Variants in GPC5 observed in about 807,000 individuals in gnomAD.
The protein encoded by GPC5 is glypican-5.
Under a neutral mutation model 53.9 loss-of-function variants are expected in GPC5, and 47 were observed. The ratio of observed to expected loss-of-function variants is 0.87; its 90% CI spans 0.69 to 1.11. The LOEUF (loss-of-function observed/expected upper bound fraction) is 1.11, where lower values mean the gene tolerates loss of function less well. Ranked by LOEUF, GPC5 falls within the 50% of genes most tolerant of loss-of-function variation. The pLI is 0.00. For missense variants in GPC5, 748 were observed against 713.1 expected (o/e 1.05, Z -0.56); for synonymous variants, 286 against 263.3 (o/e 1.09, Z -0.84).
intron 6 of GPC5, among the ~76,000 whole-genome samples, chr13:92,105,938 G>T (rs73626555): frequency 0.029 from 4,388 of 151,902 alleles, 207 homozygotes; most frequent in African/African-American, 0.1. Flanking sequence ...TGCCTACCTT[G>T]GTCTTCATAT....
intron 5 of GPC5, among the ~76,000 whole-genome samples, chr13:91,844,479 C>T (rs539992255): frequency 3.3e-4 from 50 of 152,168 alleles, no homozygotes; most frequent in African/African-American, 1.2e-3. Context: ...GAATTGCACC[C>T]GAGTCTTCTC....
At chr13:91,988,948 A>G (rs1376931307) in intron 6 of GPC5, among the ~76,000 whole-genome samples, 2 of 151,964 alleles carry the variant, frequency 1.3e-5, no homozygotes, top group Admixed American at 6.6e-5. Context: ...GGCAAGTATT[A>G]TTATTTTAAT....
intron 7 of GPC5, among the ~76,000 whole-genome samples, chr13:92,587,297 A>G (rs1033260474): frequency 2.6e-5 from 4 of 152,224 alleles, no homozygotes; most frequent in African/African-American, 9.6e-5. Context: ...ATAAATGATA[A>G]CACATATTAT....
intron 7 of GPC5, among the ~76,000 whole-genome samples, chr13:92,577,879 A>T (rs1228485943): frequency 2.0e-5 from 3 of 152,216 alleles, no homozygotes; most frequent in Non-Finnish European, 4.4e-5. Context: ...AAAAATAGGC[A>T]ATAAAGAAGG....
chr13:92,616,708 C>A (rs1884704117), intron 7 of GPC5, among the ~76,000 whole-genome samples: 1 of 152,068 alleles, frequency 6.6e-6, no homozygotes, highest in Admixed American at 6.6e-5. Context: ...TAAAGATGGG[C>A]ATTTTATGAG....
chr13:91,915,093 T>C lies in GPC5; in HGVS notation c.1401+7036T>C, dbSNP rs117740631. 8.5e-4 allele frequency among the ~76,000 whole-genome samples: 130 copies of C among 152,284 alleles called. 2 individuals are homozygous for C. In the East Asian group the frequency reaches 0.024, roughly 29 times the overall value. ...TTCCCCACAACTCCATTACATGACATTGTCACATCCCCAGGCTTATGATAC... is the reference window on the plus strand; with the variant it reads ...TTCCCCACAACTCCATTACATGACACTGTCACATCCCCAGGCTTATGATAC... On this transcript the variant is annotated intron_variant, in intron 6 of 7. Coordinates refer to ENST00000377067, the MANE Select transcript of GPC5 (RefSeq NM_004466.6).
At chr13:92,850,420 T>C (rs947911727) in intron 7 of GPC5, among the ~76,000 whole-genome samples, 2 of 152,096 alleles carry the variant, frequency 1.3e-5, no homozygotes, top group Non-Finnish European at 2.9e-5. Flanking sequence ...GCCAACATGG[T>C]GAAACCTCAT....
chr13:91,830,384 C>G (rs1208109123), intron 5 of GPC5, among the ~76,000 whole-genome samples: 1 of 151,912 alleles, frequency 6.6e-6, no homozygotes, highest in Non-Finnish European at 1.5e-5. Flanking sequence ...CACACATGCT[C>G]TACAATTTGT....
chr13:91,456,201 G>C (rs577760444), intron 2 of GPC5, among the ~76,000 whole-genome samples: 1 of 152,094 alleles, frequency 6.6e-6, no homozygotes, highest in Non-Finnish European at 1.5e-5. Flanking sequence ...TGATCAGCCT[G>C]TTGTCTGTTA....
chr13:92,232,892 T>C (rs1042574704), intron 7 of GPC5, among the ~76,000 whole-genome samples: 2 of 152,072 alleles, frequency 1.3e-5, no homozygotes, highest in African/African-American at 4.8e-5. Context: ...CAAGCAAGAG[T>C]ATTGAAGCAG....
intron 7 of GPC5, among the ~76,000 whole-genome samples, chr13:92,828,986 T>A (rs1282918331): frequency 6.6e-6 from 1 of 152,084 alleles, no homozygotes; most frequent in Admixed American, 6.6e-5. Flanking sequence ...TGCACTTGTA[T>A]CCCTAAATCC....
chr13:92,852,051 G>A (rs1013706982), intron 7 of GPC5, among the ~76,000 whole-genome samples: 23 of 152,150 alleles, frequency 1.5e-4, no homozygotes, highest in African/African-American at 4.3e-4. Flanking sequence ...AGAGAGATTC[G>A]GAGTACCAAC....
chr13:91,907,905 C>G, intron 5 of GPC5, 32 bp from the exon 6 acceptor site: 1 of 1,590,586 alleles, frequency 6.3e-7, no homozygotes, highest in Non-Finnish European at 8.5e-7. Context: ...TGATCAGGTA[C>G]TAAGTCATAT....
At chr13:91,447,446 T>G (rs747803942) in intron 1 of GPC5, among the ~76,000 whole-genome samples, 1 of 152,126 alleles carries the variant, frequency 6.6e-6, no homozygotes, top group Non-Finnish European at 1.5e-5. Flanking sequence ...CACTTACGAA[T>G]ATTTTATGCT....
chr13:91,512,241 G>A (rs553195197), intron 2 of GPC5, among the ~76,000 whole-genome samples: 9 of 152,338 alleles, frequency 5.9e-5, no homozygotes, highest in South Asian at 2.1e-4. Flanking sequence ...TCTGCTTTAC[G>A]TAGTGCAGCT....
At chr13:92,087,949 T>G (rs1279789316) in intron 6 of GPC5, among the ~76,000 whole-genome samples, 1 of 150,440 alleles carries the variant, frequency 6.6e-6, no homozygotes, top group African/African-American at 2.5e-5. Flanking sequence ...TTTTTTTTTT[T>G]AAAGAGATGG....
At chr13:91,743,438 G>A (rs2036979151) in intron 4 of GPC5, among the ~76,000 whole-genome samples, 2 of 152,122 alleles carry the variant, frequency 1.3e-5, no homozygotes, top group African/African-American at 4.8e-5. Flanking sequence ...TTCATCTATA[G>A]CATCTATAGC....
intron 2 of GPC5, among the ~76,000 whole-genome samples, chr13:91,671,739 T>C (rs935048055): frequency 5.2e-5 from 5 of 96,700 alleles, no homozygotes; most frequent in African/African-American, 1.7e-4. Context: ...AAATTTTATA[T>C]GAAATCAAAG....
intron 7 of GPC5, among the ~76,000 whole-genome samples, chr13:92,757,913 A>G (rs1262203770): frequency 2.6e-5 from 4 of 151,534 alleles, no homozygotes; most frequent in African/African-American, 9.7e-5. Context: ...CCATTGTGGA[A>G]GTCAGTGTGG....
Sources: allele counts gnomAD v4.1 joint callset (sites outside exome capture counted in the v4.1 genomes callset), GRCh38; gene constraint gnomAD v4.1.1; transcripts MANE v1.5; gene names NCBI Gene and HGNC (gene_info 2026-07-23, HGNC 2026-07-21).